Variants in COL25A1 observed in about 807,000 individuals in gnomAD.
COL25A1 encodes collagen alpha-1(XXV) chain.
In COL25A1, 103 loss-of-function variants were observed where a neutral mutation model predicts 128.4. The ratio of observed to expected loss-of-function variants is 0.80; its 90% confidence interval spans 0.68 to 0.94. The LOEUF (loss-of-function observed/expected upper bound fraction) is 0.94, where lower values mean the gene tolerates loss of function less well. COL25A1 is among the 40% of genes least tolerant of loss of function. The pLI, the probability that COL25A1 is intolerant of heterozygous loss-of-function variation, is 0.00. For synonymous variants in COL25A1, 279 were observed against 277.2 expected, an observed-to-expected ratio of 1.01 and a Z score of -0.06; for missense variants, 745 against 840.0, an observed-to-expected ratio of 0.89 and a Z score of 1.40.
chr4:108,951,510 C>T (rs1053153023), intron 8 of COL25A1, among the ~76,000 whole-genome samples: 5 of 151,674 alleles, frequency 3.3e-5, no homozygotes, highest in Non-Finnish European at 1.5e-5. Flanking sequence ...CTCAGCCTCC[C>T]GAATAGCTGA....
intron 5 of COL25A1, among the ~76,000 whole-genome samples, chr4:109,031,969 A>C (rs1258857904): frequency 2.0e-5 from 3 of 152,164 alleles, no homozygotes; most frequent in Non-Finnish European, 4.4e-5. Flanking sequence ...ATAGCATTAC[A>C]TTCTGCCTTA....
chr4:109,188,554 T>C (rs771409737), intron 3 of COL25A1, among the ~76,000 whole-genome samples: 3 of 152,136 alleles, frequency 2.0e-5, no homozygotes, highest in Non-Finnish European at 2.9e-5. Context: ...GGCTAAGAGA[T>C]ACATGTGTCA....
intron 3 of COL25A1, among the ~76,000 whole-genome samples, chr4:109,221,833 A>G (rs2126210131): frequency 6.6e-6 from 1 of 152,246 alleles, no homozygotes; most frequent in Admixed American, 6.5e-5. Flanking sequence ...TATACATTTT[A>G]AGGACTTTCA....
chr4:108,900,283 C>T (rs1017142978), intron 14 of COL25A1, among the ~76,000 whole-genome samples: 2 of 152,162 alleles, frequency 1.3e-5, no homozygotes, highest in African/African-American at 4.8e-5. Context: ...AGGAAAACAG[C>T]TAGAGTCCCA....
chr4:108,844,391 T>C (rs1480541023), intron 30 of COL25A1, 128 bp downstream of exon 30: 1 of 1,493,274 alleles, frequency 6.7e-7, no homozygotes, highest in Non-Finnish European at 9.2e-7. Context: ...AAGCACCTGG[T>C]ATTTTCCATC....
intron 3 of COL25A1, among the ~76,000 whole-genome samples, chr4:109,083,254 AGTT>A (rs1287828761): frequency 3.3e-5 from 5 of 152,076 alleles, no homozygotes; most frequent in African/African-American, 1.2e-4. Flanking sequence ...TAGTTTGTTT[AGTT>A]GTTGTTTCTA....
At chr4:109,248,224 C>T (rs920965006) in intron 3 of COL25A1, among the ~76,000 whole-genome samples, 2 of 152,120 alleles carry the variant, frequency 1.3e-5, no homozygotes, top group African/African-American at 4.8e-5. Context: ...TTATTCTTCA[C>T]CTAGCTTATT....
At chr4:108,865,714 C>A (rs1252192620) in intron 20 of COL25A1, among the ~76,000 whole-genome samples, 1 of 152,168 alleles carries the variant, frequency 6.6e-6, no homozygotes, top group East Asian at 1.9e-4. Flanking sequence ...AATAATTTAT[C>A]TGTAGTTCAC....
chr4:109,162,025 GGC>G (rs1297556474), intron 3 of COL25A1, among the ~76,000 whole-genome samples: 6 of 152,070 alleles, frequency 3.9e-5, no homozygotes, highest in African/African-American at 1.4e-4. Context: ...CTGCATATGG[GGC>G]CAGGAAAGTA....
chr4:108,935,299 GGAGGCTA>G, intron 11 of COL25A1, among the ~76,000 whole-genome samples: 1 of 152,138 alleles, frequency 6.6e-6, no homozygotes, highest in African/African-American at 2.4e-5. Flanking sequence ...AAGTCAGGGT[GGAGGCTA>G]CCTCTGGGAT....
intron 5 of COL25A1, among the ~76,000 whole-genome samples, chr4:109,030,480 C>A (rs1758733263): frequency 6.6e-6 from 1 of 152,142 alleles, no homozygotes; most frequent in Non-Finnish European, 1.5e-5. Flanking sequence ...AAGGGAACCA[C>A]CAAGGACCCA....
chr4:109,172,834 C>T (rs1316715200), intron 3 of COL25A1, among the ~76,000 whole-genome samples: 1 of 152,160 alleles, frequency 6.6e-6, no homozygotes, highest in Admixed American at 6.5e-5. Context: ...AATGGGAAAA[C>T]AAATCAAATC....
intron 5 of COL25A1, among the ~76,000 whole-genome samples, chr4:109,040,949 AT>A (rs1759824308): frequency 6.6e-6 from 1 of 152,112 alleles, no homozygotes; most frequent in South Asian, 2.1e-4. Flanking sequence ...CACTTTTAAA[AT>A]GTTATCCTGT....
intron 3 of COL25A1, among the ~76,000 whole-genome samples, chr4:109,200,550 T>C (rs924674819): frequency 6.6e-6 from 1 of 152,148 alleles, no homozygotes; most frequent in Non-Finnish European, 1.5e-5. Context: ...CTCCGCCTCC[T>C]GGGTTCAAGT....
At chr4:109,010,144 T>C (rs1004284428) in intron 6 of COL25A1, among the ~76,000 whole-genome samples, 8 of 152,242 alleles carry the variant, frequency 5.3e-5, no homozygotes, top group Non-Finnish European at 1.2e-4. Context: ...TGATAGTACA[T>C]TGTTAAATCT....
At chr4:108,880,703 C>T (rs1388739623) in intron 19 of COL25A1, among the ~76,000 whole-genome samples, 3 of 152,098 alleles carry the variant, frequency 2.0e-5, no homozygotes, top group Admixed American at 6.5e-5. Flanking sequence ...AGAAGTTGCC[C>T]CACATTATGT....
At chr4:109,118,713 G>A (rs958217754) in intron 3 of COL25A1, among the ~76,000 whole-genome samples, 3 of 152,002 alleles carry the variant, frequency 2.0e-5, no homozygotes, top group Non-Finnish European at 2.9e-5. Flanking sequence ...CAACAAAAGG[G>A]CATCAAATTA....
chr4:108,916,018 C>T (rs1009612752), intron 13 of COL25A1, among the ~76,000 whole-genome samples: 26 of 152,104 alleles, frequency 1.7e-4, no homozygotes, highest in Admixed American at 1.3e-3. Flanking sequence ...TACTCTATTG[C>T]CAACTTTGTT....
chr4:109,025,187 G>A (rs1277294455), intron 5 of COL25A1, among the ~76,000 whole-genome samples: 1 of 152,184 alleles, frequency 6.6e-6, no homozygotes, highest in Non-Finnish European at 1.5e-5. Flanking sequence ...GGCAATCAAG[G>A]TGTAAGTAAA....
Sources: allele counts gnomAD v4.1 joint callset (sites outside exome capture counted in the v4.1 genomes callset), GRCh38; gene constraint gnomAD v4.1.1; transcripts MANE v1.5; gene names NCBI Gene and HGNC (gene_info 2026-07-23, HGNC 2026-07-21).